Variants in IMMP2L observed in about 807,000 individuals in gnomAD.
IMMP2L encodes inner mitochondrial membrane peptidase subunit 2, also known as mitochondrial inner membrane protease subunit 2.
In IMMP2L, 18 loss-of-function variants were observed where a neutral mutation model predicts 19.3. That is an observed-to-expected ratio of 0.93 (90% CI 0.64 to 1.38). The LOEUF is 1.38. Ranked by LOEUF, IMMP2L falls within the 40% of genes most tolerant of loss-of-function variation. The pLI is 0.00. For missense variants in IMMP2L, 233 were observed against 218.2 expected, an observed-to-expected ratio of 1.07 and a Z score of -0.43; for synonymous variants, 76 against 73.0, an observed-to-expected ratio of 1.04 and a Z score of -0.21.
intron 4 of IMMP2L, among the ~76,000 whole-genome samples, chr7:110,937,865 A>T (rs1386642389): frequency 6.6e-6 from 1 of 152,202 alleles, no homozygotes; most frequent in Non-Finnish European, 1.5e-5. Context: ...GTTAAGAAGG[A>T]TGCATACAAA....
At chr7:111,227,592 A>C (rs1813240894) in intron 3 of IMMP2L, among the ~76,000 whole-genome samples, 1 of 152,126 alleles carries the variant, frequency 6.6e-6, no homozygotes, top group Non-Finnish European at 1.5e-5. Flanking sequence ...ATGTGTCTAC[A>C]AAATTCAGAG....
At position 110,945,694 on chromosome 7, in the gene IMMP2L, G is replaced by A. The variant is rs1433945541; in HGVS notation, c.305+17806C>T. ...AAAGGTCCTCAGATTATTGTCAGCC[G>A]CTTTCCATTTTTCTAAAGCCTTGTA... is the stretch of plus-strand genomic sequence containing the variant. On this transcript the variant is annotated intron_variant, in intron 4 of 5. Transcript: ENST00000405709. 2.0e-5 allele frequency among the ~76,000 whole-genome samples: 3 copies of A among 151,066 alleles called. 1 individual carries two copies. Among genetic ancestry groups the A allele is most frequent in the Admixed American group, 1.4e-4 (2 of 14,318 alleles).
chr7:111,361,869 GA>G (rs1486581003), intron 3 of IMMP2L, among the ~76,000 whole-genome samples: 1 of 151,942 alleles, frequency 6.6e-6, no homozygotes, highest in African/African-American at 2.4e-5. Context: ...ATGGTTTGTT[GA>G]AGAAAGTTAG....
intron 5 of IMMP2L, among the ~76,000 whole-genome samples, chr7:110,684,559 G>T (rs377021517): frequency 1.3e-5 from 2 of 151,844 alleles, no homozygotes; most frequent in South Asian, 2.1e-4. Flanking sequence ...TCTTGGTCAG[G>T]CAAGCAGATG....
At chr7:111,118,334 G>A (rs1256817453) in intron 3 of IMMP2L, among the ~76,000 whole-genome samples, 1 of 151,992 alleles carries the variant, frequency 6.6e-6, no homozygotes, top group Non-Finnish European at 1.5e-5. Flanking sequence ...CTTTACTAAG[G>A]AAAAGTAGCT....
At chr7:111,384,284 A>G (rs781587911) in intron 3 of IMMP2L, among the ~76,000 whole-genome samples, 17 of 145,720 alleles carry the variant, frequency 1.2e-4, no homozygotes, top group African/African-American at 1.6e-4. Flanking sequence ...AGAAAGGAGA[A>G]AGGAGAGAGG....
At chr7:111,250,648 TG>T (rs1815997492) in intron 3 of IMMP2L, among the ~76,000 whole-genome samples, 1 of 152,100 alleles carries the variant, frequency 6.6e-6, no homozygotes, top group South Asian at 2.1e-4. Context: ...AAACAAGCAA[TG>T]GGGAAAGGAT....
chr7:110,784,201 G>A (rs1002090410), intron 5 of IMMP2L, among the ~76,000 whole-genome samples: 4 of 151,696 alleles, frequency 2.6e-5, no homozygotes, highest in Non-Finnish European at 5.9e-5. Flanking sequence ...TTAAATACTC[G>A]ATAGCAAAAC....
At chr7:111,504,042 C>T (rs888913752) in intron 2 of IMMP2L, among the ~76,000 whole-genome samples, 6 of 152,136 alleles carry the variant, frequency 3.9e-5, no homozygotes, top group Non-Finnish European at 5.9e-5. Context: ...TCCCTGTTTG[C>T]AGATGACATG....
intron 2 of IMMP2L, among the ~76,000 whole-genome samples, chr7:111,514,215 GAAGTA>G (rs1845687529): frequency 1.3e-5 from 2 of 152,084 alleles, no homozygotes; most frequent in Non-Finnish European, 2.9e-5. Flanking sequence ...GTAACTATAT[GAAGTA>G]AAGGGTATGT....
At position 110,705,239 on chromosome 7, in the gene IMMP2L, C is replaced by T. The variant is rs534268419; in HGVS notation, c.409-41518G>A. Among the ~76,000 whole-genome samples the T allele has an allele frequency of 5.9e-5, 9 of 152,242 alleles. No homozygotes were observed. The East Asian group carries it at 1.7e-3, about 29-fold the overall frequency. On this transcript the variant is annotated intron_variant, in intron 5 of 5. Transcript: ENST00000405709. ...GTTGGCTAAAATACCTCCAAAACCT[C>T]ATCAAACAGTTATATTAGAGGAAAG...
At chr7:110,678,898 G>GC (rs1792506291) in intron 5 of IMMP2L, among the ~76,000 whole-genome samples, 4 of 152,182 alleles carry the variant, frequency 2.6e-5, no homozygotes, top group Non-Finnish European at 5.9e-5. Context: ...AAAGCCCTAT[G>GC]GTTTGGAAGA....
chr7:111,214,511 T>TC (rs1298104065), intron 3 of IMMP2L, among the ~76,000 whole-genome samples: 1 of 142,930 alleles, frequency 7.0e-6, no homozygotes, highest in East Asian at 2.0e-4. Flanking sequence ...TCTGTTTTTT[T>TC]TTTTTTTTTT....
chr7:111,013,935 G>C (rs1825231340), intron 3 of IMMP2L, among the ~76,000 whole-genome samples: 1 of 151,882 alleles, frequency 6.6e-6, no homozygotes, highest in African/African-American at 2.4e-5. Context: ...CTCATATCAA[G>C]GAGGTCTTGA....
At chr7:111,228,152 A>C (rs1649813082) in intron 3 of IMMP2L, among the ~76,000 whole-genome samples, 1 of 152,148 alleles carries the variant, frequency 6.6e-6, no homozygotes, top group African/African-American at 2.4e-5. Context: ...TGTTTAAAAC[A>C]AACATTTCTG....
intron 2 of IMMP2L, among the ~76,000 whole-genome samples, chr7:111,491,892 G>GC (rs1554520054): frequency 6.8e-6 from 1 of 147,576 alleles, no homozygotes; most frequent in African/African-American, 2.5e-5. Context: ...CACTGCATTC[G>GC]TTTTTTTTTT....
chr7:111,034,973 T>G (rs1049342238), intron 3 of IMMP2L, among the ~76,000 whole-genome samples: 27 of 152,154 alleles, frequency 1.8e-4, no homozygotes, highest in African/African-American at 6.3e-4. Context: ...AAACTCCACA[T>G]ATAACCAAAC....
intron 3 of IMMP2L, among the ~76,000 whole-genome samples, chr7:111,301,743 T>C (rs1822260404): frequency 6.6e-6 from 1 of 151,940 alleles, no homozygotes; most frequent in African/African-American, 2.4e-5. Context: ...TTGGCTCCTT[T>C]GTCAAAAATT....
chr7:111,517,536 A>G (rs1845974808), intron 2 of IMMP2L, among the ~76,000 whole-genome samples: 1 of 152,070 alleles, frequency 6.6e-6, no homozygotes, highest in Admixed American at 6.6e-5. Context: ...GAAAGCATAT[A>G]CCTTTTATCA....
Sources: gnomAD v4.1 joint callset for allele counts (sites outside exome capture counted in the v4.1 genomes callset) on GRCh38, gnomAD v4.1.1 for gene constraint, MANE v1.5 for transcripts, NCBI Gene and HGNC (gene_info 2026-07-23, HGNC 2026-07-21) for gene names.